SGCG: variants seen among roughly 807,000 people sequenced by gnomAD.
The protein encoded by SGCG is gamma-sarcoglycan.
In SGCG, 26 loss-of-function variants were observed where a neutral mutation model predicts 29.3. The observed-to-expected ratio is 0.89, with a 90% confidence interval of 0.65 to 1.23. The LOEUF is 1.23. SGCG is among the 50% of genes most tolerant of loss of function. The pLI is 0.00. For synonymous variants in SGCG, 145 were observed against 129.7 expected (o/e 1.12, Z -0.80); for missense variants, 353 against 356.0 (o/e 0.99, Z 0.07).
intron 1 of SGCG, among the ~76,000 whole-genome samples, chr13:23,190,109 A>T (rs1160054646): frequency 6.6e-6 from 1 of 151,116 alleles, no homozygotes. Flanking sequence ...TACTGAAAAT[A>T]ATTTTAGTAT....
intron 6 of SGCG, among the ~76,000 whole-genome samples, chr13:23,299,333 T>C (rs1446041366): frequency 3.4e-5 from 5 of 148,632 alleles, no homozygotes; most frequent in Admixed American, 6.7e-5. Flanking sequence ...TGTTCCACTT[T>C]TTATTTCTGG....
intron 6 of SGCG, among the ~76,000 whole-genome samples, chr13:23,299,423 TATATATATATATATATATA>T (rs1882037839): frequency 2.9e-4 from 1 of 3,408 alleles, no homozygotes; most frequent in Non-Finnish European, 9.0e-4. Context: ...TATATATATA[TATATATATATATATATATA>T]TATATATATA....
chr13:23,228,155 G>A (rs565980929), intron 2 of SGCG, among the ~76,000 whole-genome samples: 2 of 152,150 alleles, frequency 1.3e-5, no homozygotes, highest in East Asian at 1.9e-4. Context: ...ACAACTATAT[G>A]AGCTTGTGAA....
the SGCG span, among the ~76,000 whole-genome samples, chr13:23,164,679 A>G: frequency 2.6e-5 from 4 of 152,144 alleles, no homozygotes; most frequent in African/African-American, 9.7e-5. Context: ...AAAGGATGCA[A>G]GAGACAGGAG....
chr13:23,222,935 C>G (rs1172548530), intron 2 of SGCG, among the ~76,000 whole-genome samples: 1 of 152,028 alleles, frequency 6.6e-6, no homozygotes, highest in Non-Finnish European at 1.5e-5. Flanking sequence ...TTTTTTATGA[C>G]TAACTCCTTA....
chr13:23,236,256 C>CTTT (rs747647464), intron 3 of SGCG, among the ~76,000 whole-genome samples: 4 of 152,150 alleles, frequency 2.6e-5, no homozygotes, highest in Non-Finnish European at 5.9e-5. Flanking sequence ...ACTTGGTCTT[C>CTTT]TTTTTTCCCC....
intron 5 of SGCG, 44 bp from the exon 6 acceptor site, chr13:23,295,368 TCAC>T (rs1881861552): frequency 7.6e-7 from 1 of 1,318,410 alleles, no homozygotes; most frequent in Admixed American, 1.7e-5. Flanking sequence ...TTGTTTGGTG[TCAC>T]TTATTTTACT....
At chr13:23,323,756 A>T (rs9510699) in intron 7 of SGCG, among the ~76,000 whole-genome samples, 128,268 of 152,138 alleles carry the variant, frequency 0.84, 54,482 homozygotes, top group East Asian at 1. Context: ...CAAATAATAT[A>T]TAAAAATTAG....
At chr13:23,186,067 T>TA (rs1383875135) in intron 1 of SGCG, among the ~76,000 whole-genome samples, 3 of 152,186 alleles carry the variant, frequency 2.0e-5, no homozygotes, top group Non-Finnish European at 4.4e-5. Flanking sequence ...CTACAGCTGA[T>TA]ACTTACCCAT....
At chr13:23,316,482 G>A (rs1593109821) in intron 6 of SGCG, among the ~76,000 whole-genome samples, 3 of 152,254 alleles carry the variant, frequency 2.0e-5, no homozygotes, top group East Asian at 1.9e-4. Flanking sequence ...TTGATAGAAC[G>A]GTGGAATGTT....
At chr13:23,164,276 A>G in the SGCG span, among the ~76,000 whole-genome samples, 7 of 152,220 alleles carry the variant, frequency 4.6e-5, no homozygotes, top group African/African-American at 1.7e-4. Context: ...GGTACATGTA[A>G]TATCATTGTA....
At chr13:23,321,673 C>T (rs539923987) in intron 7 of SGCG, among the ~76,000 whole-genome samples, 5 of 152,116 alleles carry the variant, frequency 3.3e-5, no homozygotes, top group Admixed American at 1.3e-4. Context: ...GATTCCATCA[C>T]GCTAGTCAGA....
At chr13:23,177,084 C>T (rs1876580315), upstream of SGCG, among the ~76,000 whole-genome samples, 1 of 151,996 alleles carries the variant, frequency 6.6e-6, no homozygotes, top group Non-Finnish European at 1.5e-5. Flanking sequence ...CATGGATGAA[C>T]CTGAAGGACA....
At chr13:23,227,541 G>A (rs1452381665) in intron 2 of SGCG, among the ~76,000 whole-genome samples, 2 of 152,060 alleles carry the variant, frequency 1.3e-5, no homozygotes, top group Non-Finnish European at 2.9e-5. Context: ...CAACTCAAAT[G>A]TCCTTGAATG....
the SGCG span, among the ~76,000 whole-genome samples, chr13:23,167,065 C>T: frequency 6.6e-6 from 1 of 152,310 alleles, no homozygotes; most frequent in South Asian, 2.1e-4. Context: ...CCCTTCCCAG[C>T]CTTTGGTAAC....
chr13:23,279,412 G>A lies in SGCG; in HGVS notation c.439G>A (p.Gly147Ser), dbSNP rs374836520. Reference protein sequence around the residue: ...NQQFQINSNDGKPLFTVDEKE... With the variant: ...NQQFQINSNDSKPLFTVDEKE... Reference sequence around the variant, plus strand: ...ACAGTTTCAGATCAACTCCAACGACGGCAAGCCACTATTTACTGTAGATGA... The same window carrying A: ...ACAGTTTCAGATCAACTCCAACGACAGCAAGCCACTATTTACTGTAGATGA... Residue 147 changes from glycine to serine, a missense_variant, in exon 5 of 8, where the codon GGC becomes AGC. By Grantham distance (56) the Gly-to-Ser change is moderately conservative (BLOSUM62 0). Transcript: ENST00000218867. 6.2e-5 allele frequency: 100 copies of A among 1,613,028 alleles called. No homozygotes were observed. The highest frequency in any genetic ancestry group is 2.0e-4 in the Admixed American group (12 of 59,970).
chr13:23,323,928 C>T (rs1883137957), intron 7 of SGCG, among the ~76,000 whole-genome samples: 1 of 152,142 alleles, frequency 6.6e-6, no homozygotes, highest in African/African-American at 2.4e-5. Flanking sequence ...AGAGGATTTA[C>T]ATAAAGTCAA....
intron 6 of SGCG, among the ~76,000 whole-genome samples, chr13:23,300,089 TTC>T (rs1882092898): frequency 6.6e-6 from 1 of 152,236 alleles, no homozygotes; most frequent in Admixed American, 6.5e-5. Flanking sequence ...AGGAGTTGAA[TTC>T]TGTGTAACAC....
intron 3 of SGCG, among the ~76,000 whole-genome samples, chr13:23,242,877 AAAAC>A (rs1879560983): frequency 6.6e-6 from 1 of 152,162 alleles, no homozygotes; most frequent in Non-Finnish European, 1.5e-5. Flanking sequence ...TCAAAAAACA[AAAAC>A]AAAAACCTGG....
Sources: gnomAD v4.1 joint callset for allele counts (sites outside exome capture counted in the v4.1 genomes callset) on GRCh38, gnomAD v4.1.1 for gene constraint, MANE v1.5 for transcripts, NCBI Gene and HGNC (gene_info 2026-07-23, HGNC 2026-07-21) for gene names.